NALF1: variants seen among roughly 807,000 people sequenced by gnomAD.
NALF1 encodes family with sequence similarity 155 member A.
In NALF1, 3 loss-of-function variants were observed where a neutral mutation model predicts 48.4. The observed-to-expected ratio is 0.06, with a 90% CI of 0.03 to 0.16. The LOEUF is 0.16. NALF1 is among the 10% of genes least tolerant of loss of function. The pLI, the probability that NALF1 is intolerant of heterozygous loss-of-function variation, is 1.00. For synonymous variants in NALF1, 262 were observed against 245.7 expected (o/e 1.07, Z -0.62); for missense variants, 526 against 571.5 (o/e 0.92, Z 0.81).
At position 107,756,435 on chromosome 13, in the gene NALF1, C is replaced by CTATATATATACATATATATA. The variant is rs1555323650; in HGVS notation, c.915+109246_915+109247insTATATATATGTATATATATA. 6.6e-3 allele frequency among the ~76,000 whole-genome samples: 938 copies of CTATATATATACATATATATA among 141,058 alleles called. 8 individuals are homozygous for CTATATATATACATATATATA. Among genetic ancestry groups the CTATATATATACATATATATA allele is most frequent in the African/African-American group, 0.024 (879 of 37,140 alleles). 92.5% of individuals were successfully genotyped at this position (141,058 alleles called of 152,430 possible). A position where few individuals can be genotyped will look rare whatever the true frequency, so the allele number is the denominator to read the frequency against. The stretch of plus-strand genomic sequence containing the variant: ...ACTAAATATTAAATAAGTTTAATGG[C>CTATATATATACATATATATA]TATATATATATATATATATAAAGCA... On this transcript the variant is annotated intron_variant, in intron 1 of 2. Transcript: ENST00000375915.
chr13:107,298,685 C>T (rs1311783163), intron 1 of NALF1, among the ~76,000 whole-genome samples: 3 of 152,086 alleles, frequency 2.0e-5, no homozygotes, highest in Admixed American at 1.3e-4. Context: ...CCGCCTCAGC[C>T]TCCTAAAGTG....
intron 1 of NALF1, among the ~76,000 whole-genome samples, chr13:107,364,442 T>C (rs1294058309): frequency 6.6e-6 from 1 of 152,206 alleles, no homozygotes; most frequent in East Asian, 1.9e-4. Context: ...ACACTGGCAG[T>C]GACATCGTCA....
At chr13:107,530,489 C>A (rs1411042768) in intron 1 of NALF1, among the ~76,000 whole-genome samples, 1 of 151,934 alleles carries the variant, frequency 6.6e-6, no homozygotes, top group Non-Finnish European at 1.5e-5. Context: ...TAAGACATTC[C>A]TCTAAATTTA....
At chr13:107,702,468 AT>A (rs1284922277) in intron 1 of NALF1, among the ~76,000 whole-genome samples, 1 of 152,004 alleles carries the variant, frequency 6.6e-6, no homozygotes, top group Admixed American at 6.6e-5. Context: ...TAATTCTTGA[AT>A]TATATATTTT....
At chr13:107,561,644 T>C (rs1297174560) in intron 1 of NALF1, among the ~76,000 whole-genome samples, 4 of 152,202 alleles carry the variant, frequency 2.6e-5, no homozygotes, top group Admixed American at 1.3e-4. Flanking sequence ...AATTGCCTAT[T>C]CCCTGCCAAT....
At chr13:107,713,582 G>T (rs908251597) in intron 1 of NALF1, among the ~76,000 whole-genome samples, 1 of 152,146 alleles carries the variant, frequency 6.6e-6, no homozygotes, top group African/African-American at 2.4e-5. Context: ...CACATTAATA[G>T]ATTTAAGAGT....
chr13:107,182,186 T>C (rs1879077066), intron 2 of NALF1, among the ~76,000 whole-genome samples: 1 of 152,116 alleles, frequency 6.6e-6, no homozygotes, highest in South Asian at 2.1e-4. Context: ...TTTTGTTTTC[T>C]GTCATTTGCA....
intron 1 of NALF1, among the ~76,000 whole-genome samples, chr13:107,585,277 A>G (rs1277617989): frequency 2.6e-5 from 4 of 152,164 alleles, no homozygotes; most frequent in Admixed American, 1.3e-4. Context: ...CACACTTTTA[A>G]CCAACCAAAC....
At chr13:107,796,351 A>G (rs968305010) in intron 1 of NALF1, among the ~76,000 whole-genome samples, 1 of 152,148 alleles carries the variant, frequency 6.6e-6, no homozygotes, top group African/African-American at 2.4e-5. Flanking sequence ...CATTAATTGA[A>G]TTTTGGAGGC....
At chr13:107,586,945 G>C (rs1031486644) in intron 1 of NALF1, among the ~76,000 whole-genome samples, 4 of 151,934 alleles carry the variant, frequency 2.6e-5, no homozygotes, top group African/African-American at 9.7e-5. Flanking sequence ...AACTTATATA[G>C]AGCCATGCAT....
rs1022079231 is a variant in NALF1, at chr13:107,362,806, G to A, written c.916-152051C>T. ...GGTGAGCATGTACCTGTCTGAGTGG[G>A]CACACATATGGAGCAACCAGGATGA... On this transcript the variant is annotated intron_variant, in intron 1 of 2. Transcript: ENST00000375915. This position sits in a 1 kb window ranked among gnomAD's most constrained non-coding sequence, Gnocchi z 4.6. 5.3e-5 allele frequency among the ~76,000 whole-genome samples: 8 copies of A among 152,126 alleles called. No homozygotes were observed. The highest frequency in any genetic ancestry group is 1.9e-4 in the African/African-American group (8 of 41,436).
At chr13:107,612,108 GGA>G (rs1200934329) in intron 1 of NALF1, among the ~76,000 whole-genome samples, 6 of 52,828 alleles carry the variant, frequency 1.1e-4, no homozygotes, top group Admixed American at 4.1e-4. Flanking sequence ...GGGGGAGGGA[GGA>G]AGGGGAGGGG....
chr13:107,393,119 C>T (rs1354894359), intron 1 of NALF1, among the ~76,000 whole-genome samples: 1 of 151,952 alleles, frequency 6.6e-6, no homozygotes, highest in African/African-American at 2.4e-5. Context: ...AAAATAAGCA[C>T]GAAGTAAAAT....
At chr13:107,495,973 G>A (rs1348232406) in intron 1 of NALF1, among the ~76,000 whole-genome samples, 7 of 152,078 alleles carry the variant, frequency 4.6e-5, no homozygotes, top group Admixed American at 4.6e-4. Context: ...TCAATGTTAT[G>A]TGTAGGTTAT....
intron 1 of NALF1, among the ~76,000 whole-genome samples, chr13:107,710,781 G>GTA (rs34303454): frequency 0.81 from 119,343 of 147,194 alleles, 48,698 homozygotes; most frequent in East Asian, 0.92. Flanking sequence ...ACATATGTGT[G>GTA]TATATACACA....
At chr13:107,752,658 C>T (rs9559148) in intron 1 of NALF1, among the ~76,000 whole-genome samples, 58,614 of 151,920 alleles carry the variant, frequency 0.39, 12,740 homozygotes, top group East Asian at 0.76. Context: ...TTAAAAAGTT[C>T]CTTCTGAAGG....
intron 1 of NALF1, among the ~76,000 whole-genome samples, chr13:107,449,725 T>C (rs1419541225): frequency 1.3e-5 from 2 of 152,176 alleles, no homozygotes; most frequent in Admixed American, 1.3e-4. Flanking sequence ...TAAATAATAA[T>C]AGCCAATTTT....
At position 107,272,047 on chromosome 13, in the gene NALF1, GC is replaced by G. The variant is rs1881188887; in HGVS notation, c.916-61293del. ...GAGAGAAAGTGTACTTCATTTGAAGGCTAATAAAATAAGCATAAAGTACATG... is the reference window on the plus strand; with the variant it reads ...GAGAGAAAGTGTACTTCATTTGAAGGTAATAAAATAAGCATAAAGTACATG... On this transcript the variant is annotated intron_variant, in intron 1 of 2. Coordinates refer to ENST00000375915, the MANE Select transcript of NALF1 (RefSeq NM_001080396.3). Among the ~76,000 whole-genome samples the G allele has an allele frequency of 2.0e-5, 3 of 151,578 alleles. No homozygotes were observed. The South Asian group carries it at 6.2e-4, about 32-fold the overall frequency.
intron 1 of NALF1, among the ~76,000 whole-genome samples, chr13:107,214,612 CT>C (rs1371383432): frequency 6.6e-6 from 1 of 152,136 alleles, no homozygotes; most frequent in East Asian, 1.9e-4. Flanking sequence ...GGAAATTATG[CT>C]CTGAAAGGGT....
Sources: allele counts gnomAD v4.1 joint callset (sites outside exome capture counted in the v4.1 genomes callset), GRCh38; gene constraint gnomAD v4.1.1; non-coding constraint Gnocchi (gnomAD v3.1); transcripts MANE v1.5; gene names NCBI Gene and HGNC (gene_info 2026-07-23, HGNC 2026-07-21).